KLF12: variants seen among roughly 807,000 people sequenced by gnomAD.
KLF12 encodes the protein KLF transcription factor 12.
A neutral mutation model predicts 37.8 loss-of-function variants in KLF12; 9 were observed. The observed-to-expected ratio is 0.24, with a 90% CI of 0.14 to 0.42. The LOEUF (loss-of-function observed/expected upper bound fraction) is 0.42. KLF12 is among the 10% of genes least tolerant of loss of function. The pLI, the probability that KLF12 is intolerant of heterozygous loss-of-function variation, is 1.00. For missense variants in KLF12, 411 were observed against 516.0 expected (o/e 0.80, Z 1.97); for synonymous variants, 208 against 202.1 (o/e 1.03, Z -0.25).
chr13:73,892,171 ATTC>A (rs1215543625), intron 3 of KLF12, among the ~76,000 whole-genome samples: 1 of 152,144 alleles, frequency 6.6e-6, no homozygotes, highest in Non-Finnish European at 1.5e-5. Flanking sequence ...AAATCTACAA[ATTC>A]TTCTTCATCA....
chr13:73,916,246 C>CACACACACACACACAT (rs1491519733), intron 3 of KLF12, among the ~76,000 whole-genome samples: 4 of 32,990 alleles, frequency 1.2e-4, no homozygotes, highest in African/African-American at 3.4e-4. Context: ...CACACGCACA[C>CACACACACACACACAT]GCACACACAC....
intron 3 of KLF12, among the ~76,000 whole-genome samples, chr13:73,891,308 T>C (rs1566441249): frequency 6.6e-6 from 1 of 152,116 alleles, no homozygotes; most frequent in South Asian, 2.1e-4. Context: ...TTTTAGAAAA[T>C]GTAGATTTCT....
At chr13:74,223,387 T>G in the KLF12 span, among the ~76,000 whole-genome samples, 1 of 152,220 alleles carries the variant, frequency 6.6e-6, no homozygotes, top group Non-Finnish European at 1.5e-5. Flanking sequence ...GTTTTTAGAC[T>G]TCTAGTACAG....
chr13:73,890,794 T>C (rs1421691046), intron 3 of KLF12, among the ~76,000 whole-genome samples: 2 of 152,182 alleles, frequency 1.3e-5, no homozygotes, highest in Admixed American at 1.3e-4. Context: ...ATAAGGAAAG[T>C]AAATTTGAAA....
chr13:74,097,835 C>A (rs1876071058), intron 1 of KLF12, among the ~76,000 whole-genome samples: 1 of 151,140 alleles, frequency 6.6e-6, no homozygotes, highest in Non-Finnish European at 1.5e-5. Flanking sequence ...GACCCCAACT[C>A]CACAAACTGC....
intron 1 of KLF12, among the ~76,000 whole-genome samples, chr13:74,064,064 AAT>A (rs5804714): frequency 0.93 from 141,265 of 152,136 alleles, 66,483 homozygotes; most frequent in East Asian, 1. Flanking sequence ...AAAGGGGTGC[AAT>A]ATCCCTGTCC....
chr13:73,751,833 TG>T (rs1306277340), intron 6 of KLF12, among the ~76,000 whole-genome samples: 1 of 152,038 alleles, frequency 6.6e-6, no homozygotes, highest in Non-Finnish European at 1.5e-5. Flanking sequence ...GGACATCTAC[TG>T]GGGGTAAGTG....
intron 5 of KLF12, among the ~76,000 whole-genome samples, chr13:73,805,759 T>C (rs933506952): frequency 2.6e-5 from 4 of 151,942 alleles, no homozygotes; most frequent in African/African-American, 9.7e-5. Context: ...CGTATTGGAG[T>C]CCAAAGCTAA....
chr13:74,277,737 C>A, the KLF12 span, among the ~76,000 whole-genome samples: 160 of 152,146 alleles, frequency 1.1e-3, no homozygotes, highest in Non-Finnish European at 3.1e-4. Flanking sequence ...GTTCTTAGGG[C>A]ACAAAACTCT....
chr13:73,999,158 T>G (rs1260293490), intron 1 of KLF12, among the ~76,000 whole-genome samples: 1 of 152,228 alleles, frequency 6.6e-6, no homozygotes, highest in Non-Finnish European at 1.5e-5. Flanking sequence ...GTACACATTT[T>G]CAAGTAAAGT....
chr13:74,096,863 G>C (rs9285286), intron 1 of KLF12, among the ~76,000 whole-genome samples: 78,719 of 151,956 alleles, frequency 0.52, 20,813 homozygotes, highest in Middle Eastern at 0.63. Flanking sequence ...CTCCAAAAAG[G>C]TGGAAAACAG....
At chr13:74,025,042 T>A (rs1463432651) in intron 1 of KLF12, among the ~76,000 whole-genome samples, 1 of 152,172 alleles carries the variant, frequency 6.6e-6, no homozygotes, top group Non-Finnish European at 1.5e-5. Flanking sequence ...TACTTTGATC[T>A]CTCACAGACT....
chr13:73,846,352 G>A lies in KLF12; in HGVS notation c.145C>T (p.Pro49Ser), dbSNP rs1246774933. The A allele has an allele frequency of 3.7e-6, 6 of 1,613,174 alleles. No individual in the cohort carries two copies. The highest frequency in any genetic ancestry group is 5.1e-6 in the Non-Finnish European group (6 of 1,179,790). Residue 49 changes from proline to serine, a missense_variant, in exon 4 of 8, where the codon CCC becomes TCC. By Grantham distance (74) the Pro-to-Ser change is moderately conservative. Around this residue, in one of 2 missense-constraint regions of KLF12, gnomAD observed 351 missense variants for 397.8 expected, o/e 0.88. Coordinates refer to ENST00000377669, the MANE Select transcript of KLF12 (RefSeq NM_007249.5). ...AACAGGGGAACGGCTTCCATATCGG[G>A]ATAGTTGTGGACGTTTGGAGACTGT...
At chr13:74,077,105 C>G (rs1294693219) in intron 1 of KLF12, among the ~76,000 whole-genome samples, 1 of 152,146 alleles carries the variant, frequency 6.6e-6, no homozygotes, top group Non-Finnish European at 1.5e-5. Flanking sequence ...TGCAATGAAC[C>G]TAAGTATGCA....
chr13:74,058,353 C>CTTTTTTTTTTTT (rs55954411), intron 1 of KLF12, among the ~76,000 whole-genome samples: 1 of 72,648 alleles, frequency 1.4e-5, no homozygotes, highest in Non-Finnish European at 2.6e-5. Context: ...ATAATTTTAT[C>CTTTTTTTTTTTT]TTTTTTTTTT....
intron 3 of KLF12, among the ~76,000 whole-genome samples, chr13:73,863,656 TA>T: frequency 6.6e-6 from 1 of 152,286 alleles, no homozygotes; most frequent in East Asian, 1.9e-4. Context: ...GATTATTCAA[TA>T]AATTACATAG....
intron 5 of KLF12, among the ~76,000 whole-genome samples, chr13:73,772,610 G>A (rs558290113): frequency 1.3e-5 from 2 of 152,344 alleles, no homozygotes; most frequent in East Asian, 3.9e-4. Context: ...TAGACAACCA[G>A]AGGGAAAGGT....
At chr13:73,952,539 G>T (rs1205994713) in intron 2 of KLF12, among the ~76,000 whole-genome samples, 1 of 152,150 alleles carries the variant, frequency 6.6e-6, no homozygotes, top group African/African-American at 2.4e-5. Flanking sequence ...AATTTGACAT[G>T]AGATTTGAGT....
the KLF12 span, among the ~76,000 whole-genome samples, chr13:74,141,117 GA>G: frequency 3.9e-5 from 6 of 151,966 alleles, no homozygotes; most frequent in Admixed American, 1.3e-4. Context: ...CAGGGGTATA[GA>G]ATTGGACTGC....
Sources: gnomAD v4.1 joint callset for allele counts (sites outside exome capture counted in the v4.1 genomes callset) on GRCh38, gnomAD v4.1.1 for gene constraint, gnomAD v4.1.1 regional missense constraint, MANE v1.5 for transcripts, NCBI Gene and HGNC (gene_info 2026-07-23, HGNC 2026-07-21) for gene names.